Variants in AK5 observed in about 807,000 individuals in gnomAD.
AK5 encodes adenylate kinase 5, also known as adenylate kinase isoenzyme 5.
AK5 carries 27 observed loss-of-function variants against 69.5 expected under a neutral mutation model. The ratio of observed to expected loss-of-function variants is 0.39; its 90% CI spans 0.29 to 0.54. The LOEUF (loss-of-function observed/expected upper bound fraction) is 0.54, where lower values mean the gene tolerates loss of function less well. AK5 is among the 20% of genes least tolerant of loss of function. The pLI is 0.71. For synonymous variants in AK5, 260 were observed against 244.4 expected, an observed-to-expected ratio of 1.06 and a Z score of -0.60; for missense variants, 531 against 700.4, an observed-to-expected ratio of 0.76 and a Z score of 2.73.
chr1:77,391,912 A>T (rs557573411), intron 6 of AK5, among the ~76,000 whole-genome samples: 90 of 152,332 alleles, frequency 5.9e-4, no homozygotes, highest in African/African-American at 2.1e-3. Flanking sequence ...TGAGTCATTT[A>T]TAGCTTCATA....
chr1:77,346,853 GA>G (rs1262006766), intron 6 of AK5, among the ~76,000 whole-genome samples: 1 of 152,070 alleles, frequency 6.6e-6, no homozygotes, highest in East Asian at 1.9e-4. Context: ...CTAAACATAA[GA>G]AAAGCAAACA....
intron 12 of AK5, among the ~76,000 whole-genome samples, chr1:77,533,525 A>G (rs1458851262): frequency 6.6e-6 from 1 of 150,890 alleles, no homozygotes; most frequent in South Asian, 2.1e-4. Flanking sequence ...AAAAAAAAAA[A>G]AAAAAAAAAA....
At chr1:77,319,153 C>T (rs1288847795) in intron 5 of AK5, among the ~76,000 whole-genome samples, 2 of 152,154 alleles carry the variant, frequency 1.3e-5, no homozygotes, top group Non-Finnish European at 2.9e-5. Flanking sequence ...TTATAGGGGC[C>T]TTGACCTTTA....
chr1:77,489,846 A>G (rs907426000), intron 10 of AK5, among the ~76,000 whole-genome samples: 2 of 152,092 alleles, frequency 1.3e-5, no homozygotes, highest in Non-Finnish European at 2.9e-5. Context: ...CTCCCATGTC[A>G]ATCTTTGGCT....
chr1:77,372,973 G>A (rs1362331806), intron 6 of AK5, among the ~76,000 whole-genome samples: 1 of 151,910 alleles, frequency 6.6e-6, no homozygotes, highest in Non-Finnish European at 1.5e-5. Flanking sequence ...TTGATGTTTA[G>A]GTTTCCAAGT....
intron 5 of AK5, among the ~76,000 whole-genome samples, chr1:77,315,652 C>A (rs771596889): frequency 6.6e-6 from 1 of 152,000 alleles, no homozygotes; most frequent in African/African-American, 2.4e-5. Flanking sequence ...TGTTTTGTCA[C>A]AAAAAATAAA....
chr1:77,307,590 T>A (rs982367502), intron 5 of AK5, among the ~76,000 whole-genome samples: 2 of 152,224 alleles, frequency 1.3e-5, no homozygotes, highest in South Asian at 4.1e-4. Context: ...AGCTCTTAGA[T>A]GAAATGCTCT....
intron 8 of AK5, among the ~76,000 whole-genome samples, chr1:77,427,154 A>G (rs1160329084): frequency 6.6e-6 from 1 of 151,988 alleles, no homozygotes; most frequent in Non-Finnish European, 1.5e-5. Flanking sequence ...ATAAAAATTA[A>G]AGCAGAAATC....
chr1:77,463,244 A>G (rs929124221), intron 8 of AK5, among the ~76,000 whole-genome samples: 2 of 152,218 alleles, frequency 1.3e-5, no homozygotes, highest in African/African-American at 4.8e-5. Context: ...GGGGAGGAGT[A>G]AGTGAGGGAT....
chr1:77,435,352 T>A (rs966863134), intron 8 of AK5, among the ~76,000 whole-genome samples: 1 of 152,036 alleles, frequency 6.6e-6, no homozygotes, highest in Non-Finnish European at 1.5e-5. Flanking sequence ...GGAAAGTAAA[T>A]AGACTGTAAA....
intron 8 of AK5, among the ~76,000 whole-genome samples, chr1:77,451,790 C>G (rs190665505): frequency 3.5e-4 from 53 of 152,308 alleles, no homozygotes; most frequent in Non-Finnish European, 4.3e-4. Flanking sequence ...ACCATTTCAC[C>G]TGGTTAACTG....
intron 13 of AK5, among the ~76,000 whole-genome samples, chr1:77,539,978 A>G (rs1659180014): frequency 6.6e-6 from 1 of 152,180 alleles, no homozygotes; most frequent in African/African-American, 2.4e-5. Flanking sequence ...AATTAAAGCC[A>G]CAGGGGGGGC....
At chr1:77,446,023 C>A (rs2100648303) in intron 8 of AK5, among the ~76,000 whole-genome samples, 1 of 152,278 alleles carries the variant, frequency 6.6e-6, no homozygotes, top group Non-Finnish European at 1.5e-5. Context: ...ATGTCAAGAT[C>A]TTTTCTCCTG....
At chr1:77,545,373 C>T (rs755005982) in intron 13 of AK5, among the ~76,000 whole-genome samples, 3 of 152,140 alleles carry the variant, frequency 2.0e-5, no homozygotes, top group African/African-American at 2.4e-5. Context: ...CCAAGCTGTA[C>T]GCATTTCTGT....
chr1:77,519,164 T>C (rs1016549552), intron 11 of AK5, among the ~76,000 whole-genome samples: 2 of 152,172 alleles, frequency 1.3e-5, no homozygotes, highest in African/African-American at 4.8e-5. Context: ...GAATATCCCC[T>C]TTTCTATCTT....
intron 8 of AK5, among the ~76,000 whole-genome samples, chr1:77,452,922 A>G (rs1468507697): frequency 6.6e-6 from 1 of 152,226 alleles, no homozygotes; most frequent in Non-Finnish European, 1.5e-5. Flanking sequence ...ATGTGTTTTT[A>G]TTAAAAAGAA....
At chr1:77,415,493 A>G (rs960933171) in intron 7 of AK5, among the ~76,000 whole-genome samples, 4 of 152,202 alleles carry the variant, frequency 2.6e-5, no homozygotes, top group Non-Finnish European at 5.9e-5. Flanking sequence ...GTGGCAGATA[A>G]TAATCATATT....
At chr1:77,392,101 C>T (rs1003901184) in intron 6 of AK5, among the ~76,000 whole-genome samples, 4 of 152,120 alleles carry the variant, frequency 2.6e-5, no homozygotes, top group Admixed American at 1.3e-4. Flanking sequence ...TTTTTGTCTC[C>T]GCTATATTAC....
intron 13 of AK5, among the ~76,000 whole-genome samples, chr1:77,544,257 A>G (rs1659426487): frequency 6.6e-6 from 1 of 152,250 alleles, no homozygotes; most frequent in South Asian, 2.1e-4. Context: ...GCTCTGGATG[A>G]GTCACTGAGT....
Sources: gnomAD v4.1 joint callset for allele counts (sites outside exome capture counted in the v4.1 genomes callset) on GRCh38, gnomAD v4.1.1 for gene constraint, MANE v1.5 for transcripts, NCBI Gene and HGNC (gene_info 2026-07-23, HGNC 2026-07-21) for gene names.